Variants in CETP observed in about 807,000 individuals in gnomAD.
The protein encoded by CETP is cholesteryl ester transfer protein.
CETP carries 56 observed loss-of-function variants against 66.5 expected under a neutral mutation model. The observed-to-expected ratio is 0.84, with a 90% CI of 0.68 to 1.05. The LOEUF (loss-of-function observed/expected upper bound fraction) is 1.05. Among genes scored for constraint, CETP ranks in the 50% least tolerant of loss-of-function variants. The pLI is 0.00. For synonymous variants in CETP, 251 were observed against 245.7 expected, an observed-to-expected ratio of 1.02 and a Z score of -0.20; for missense variants, 612 against 609.6, an observed-to-expected ratio of 1.00 and a Z score of -0.04.
intron 10 of CETP, among the ~76,000 whole-genome samples, chr16:56,976,017 A>G (rs1273922233): frequency 6.6e-6 from 1 of 152,086 alleles, no homozygotes; most frequent in African/African-American, 2.4e-5. Flanking sequence ...CGGCTCTGTG[A>G]TGCCTCTCTC....
intron 2 of CETP, 62 bp from the exon 3 acceptor site, chr16:56,969,324 G>T (rs1290199413): frequency 7.7e-5 from 124 of 1,610,280 alleles, no homozygotes; most frequent in Non-Finnish European, 1.0e-4. Context: ...AAAATTGGAG[G>T]CTCACTCCTT....
At chr16:56,977,685 G>C (rs950753189) in intron 10 of CETP, among the ~76,000 whole-genome samples, 1 of 152,114 alleles carries the variant, frequency 6.6e-6, no homozygotes, top group South Asian at 2.1e-4. Flanking sequence ...TGCTACAGCA[G>C]CTTCCCTCGG....
rs747713965 is a variant in CETP at position 56,975,159 on chromosome 16, C to T, written c.981+8C>T. 11 of 1,613,360 alleles carry T rather than the reference C, an allele frequency of 6.8e-6. No individual in the cohort carries two copies. The East Asian group carries it at 8.9e-5, about 13-fold the overall frequency. ...CAGGAAATCTTCCAAGAGGTAACTG[C>T]CCCCTGCCCCTGTGTGGGGTTTATC... On this transcript the variant is annotated splice_region_variant and intron_variant, in intron 10 of 15. Transcript: ENST00000200676.
At chr16:56,982,380 C>G in intron 14 of CETP, 143 bp downstream of exon 14, 3 of 805,310 alleles carry the variant, frequency 3.7e-6, no homozygotes, top group South Asian at 2.8e-5. Flanking sequence ...TTTCCTCTCC[C>G]TGCTGGTGGT....
chr16:56,964,670 G>C (rs1360147551), intron 2 of CETP, among the ~76,000 whole-genome samples: 1 of 152,102 alleles, frequency 6.6e-6, no homozygotes, highest in African/African-American at 2.4e-5. Context: ...GCGCACATTG[G>C]GCCTTGAGTC....
chr16:56,962,895 G>C (rs1457833930), intron 1 of CETP, 115 bp from the exon 2 acceptor site: 2 of 868,156 alleles, frequency 2.3e-6, no homozygotes, highest in Non-Finnish European at 3.8e-6. Flanking sequence ...TCAGCTTTAA[G>C]ACCTGCTGGG....
chr16:56,963,999 TTTATTTA>T (rs2056046209), intron 2 of CETP, among the ~76,000 whole-genome samples: 1 of 68,176 alleles, frequency 1.5e-5, no homozygotes, highest in Admixed American at 1.9e-4. Context: ...ATTTTATTTA[TTTATTTA>T]TTTATTTATT....
chr16:56,975,031 C>A, intron 9 of CETP, 70 bp from the exon 10 acceptor site: 1 of 1,418,984 alleles, frequency 7.0e-7, no homozygotes, highest in Non-Finnish European at 1.0e-6. Flanking sequence ...TGCCCTTGGT[C>A]CCTGCGAAGT....
chr16:56,967,281 G>C (rs561877871), intron 2 of CETP, among the ~76,000 whole-genome samples: 84 of 152,134 alleles, frequency 5.5e-4, no homozygotes, highest in Non-Finnish European at 9.9e-4. Context: ...AGGAGGTGGA[G>C]ACTGCAGTGA....
chr16:56,967,372 C>T (rs1270743704), intron 2 of CETP, among the ~76,000 whole-genome samples: 6 of 146,358 alleles, frequency 4.1e-5, no homozygotes, highest in South Asian at 4.4e-4. Context: ...ACAAAAAAAA[C>T]GGGTTGGGCA....
chr16:56,981,333 T>C lies in CETP; in HGVS notation c.1214+108T>C, dbSNP rs7198026. ...TTGGTGGGGAAATGTGGCCCCTTTC[T>C]TCTGGGGCATATGGGCTGACTGCAG... is the stretch of plus-strand genomic sequence containing the variant. On this transcript the variant is annotated intron_variant, in intron 12 of 15. Transcript: ENST00000200676. The C allele has an allele frequency of 4.9e-3, 4,605 of 940,668 alleles. 152 individuals are homozygous for C. In the African/African-American group the frequency reaches 0.065, roughly 13 times the overall value. 58.3% of individuals were successfully genotyped at this position (940,668 alleles called of 1,614,324 possible).
At chr16:56,968,257 C>T (rs2056082598) in intron 2 of CETP, among the ~76,000 whole-genome samples, 1 of 152,064 alleles carries the variant, frequency 6.6e-6, no homozygotes, top group Non-Finnish European at 1.5e-5. Context: ...GCGATCTCAG[C>T]TCACTGCAAC....
chr16:56,968,784 T>C (rs1596998166), intron 2 of CETP, among the ~76,000 whole-genome samples: 1 of 152,206 alleles, frequency 6.6e-6, no homozygotes, highest in Admixed American at 6.5e-5. Context: ...GTTGATCTTT[T>C]GGAAAAACCA....
Position 56,962,192 on chromosome 16 carries a change from C to A in CETP, c.118+95C>A, listed in dbSNP as rs17231534. 58,029 of 1,043,986 alleles carry A rather than the reference C, an allele frequency of 0.056. 2,065 individuals carry two copies. The highest frequency in any genetic ancestry group is 0.12 in the African/African-American group (7,783 of 64,026). The allele number at this position is 1,043,986 out of a possible 1,614,324, so 64.7% of individuals were successfully genotyped here. A position where few individuals can be genotyped will look rare whatever the true frequency, so the allele number is the denominator to read the frequency against. Reference sequence around the variant, plus strand: ...CCTGGCCTGAAGCCAGCCCTGAAGCCGGCTGCCACACTAGCCCAGAGAGAG... The same window carrying A: ...CCTGGCCTGAAGCCAGCCCTGAAGCAGGCTGCCACACTAGCCCAGAGAGAG... On this transcript the variant is annotated intron_variant, in intron 1 of 15. Coordinates refer to ENST00000200676, the MANE Select transcript of CETP (RefSeq NM_000078.3).
At position 56,969,654 on chromosome 16, in the gene CETP, A is replaced by T; in HGVS notation, c.412A>T (p.Ile138Phe). 1 of 1,614,014 alleles carries T rather than the reference A, an allele frequency of 6.2e-7. No individual in the cohort carries two copies. Among genetic ancestry groups the T allele is most frequent in the Non-Finnish European group, 8.5e-7 (1 of 1,179,974 alleles). Residue 138 changes from isoleucine to phenylalanine, a missense_variant, in exon 4 of 16, where the codon ATT becomes TTT. Ile to Phe is a conservative substitution (Grantham distance 21). Transcript: ENST00000200676. ...CATTGACTTCGAGATCGACTCTGCC[A>T]TTGACCTCCAGATCAACACACAGCT... Reference protein sequence around the residue: ...QSIDFEIDSAIDLQINTQLTC... With the variant: ...QSIDFEIDSAFDLQINTQLTC...
At chr16:56,965,804 T>C (rs140644433) in intron 2 of CETP, among the ~76,000 whole-genome samples, 1 of 152,160 alleles carries the variant, frequency 6.6e-6, no homozygotes, top group Non-Finnish European at 1.5e-5. Flanking sequence ...CTGCAGTCTC[T>C]CCTCTCTGAT....
chr16:56,971,344 C>A lies in CETP; in HGVS notation c.621C>A (p.Ile207=). ...AGATCTGCAAAGAGATCAACGTCAT[C>A]TCTAACATCATGGCCGATTTTGTCC... ...KGQICKEINV[I]SNIMADFVQT... is the part of the protein sequence containing the mutation. Residue 207 remains isoleucine (I), a synonymous_variant, in exon 7 of 16, where the codon ATC becomes ATA. Coordinates refer to ENST00000200676, the MANE Select transcript of CETP (RefSeq NM_000078.3). 6.2e-7 allele frequency: 1 copy of A among 1,614,130 alleles called. No homozygotes were observed. The highest frequency in any genetic ancestry group is 8.5e-7 in the Non-Finnish European group (1 of 1,180,050).
chr16:56,969,744 G>T, intron 4 of CETP, 63 bp downstream of exon 4: 1 of 1,597,008 alleles, frequency 6.3e-7, no homozygotes, highest in Non-Finnish European at 8.6e-7. Flanking sequence ...CTCAGCAGAG[G>T]GGGAGGTTGT....
At chr16:56,966,451 T>A (rs556684046) in intron 2 of CETP, among the ~76,000 whole-genome samples, 1 of 152,154 alleles carries the variant, frequency 6.6e-6, no homozygotes, top group Non-Finnish European at 1.5e-5. Flanking sequence ...TTTCCCACTG[T>A]CCCTTCTCAC....
Sources: gnomAD v4.1 joint callset for allele counts (sites outside exome capture counted in the v4.1 genomes callset) on GRCh38, gnomAD v4.1.1 for gene constraint, MANE v1.5 for transcripts, NCBI Gene and HGNC (gene_info 2026-07-23, HGNC 2026-07-21) for gene names.